Variants in TVP23B observed in about 807,000 individuals in gnomAD.
TVP23B encodes trans-golgi network vesicle protein 23 homolog B.
In TVP23B, 10 loss-of-function variants were observed where a neutral mutation model predicts 30.6. The observed-to-expected ratio is 0.33, with a 90% CI of 0.20 to 0.55. TVP23B has a LOEUF of 0.55. TVP23B is among the 20% of genes least tolerant of loss of function. The pLI is 0.91. For synonymous variants in TVP23B, 67 were observed against 83.1 expected (o/e 0.81, Z 1.06); for missense variants, 153 against 243.2 (o/e 0.63, Z 2.47).
chr17:18,788,330 CAA>C (rs961283447), intron 1 of TVP23B, among the ~76,000 whole-genome samples: 220 of 67,334 alleles, frequency 3.3e-3, no homozygotes, highest in African/African-American at 0.012. Context: ...GACTCCATCT[CAA>C]AAAAAAAAAA....
intron 6 of TVP23B, chr17:18,804,588 G>GTTTTTTTTTTTTTTTTTTTTTT (rs58723409): frequency 1.1e-6 from 1 of 889,198 alleles, no homozygotes; most frequent in Non-Finnish European, 1.4e-6. Flanking sequence ...TATGTTGTAT[G>GTTTTTTTTTTTTTTTTTTTTTT]TTTTTTTTTT....
intron 5 of TVP23B, among the ~76,000 whole-genome samples, chr17:18,800,178 G>A (rs1292450871): frequency 1.3e-5 from 2 of 151,500 alleles, no homozygotes; most frequent in African/African-American, 2.4e-5. Flanking sequence ...ATTAATTAAT[G>A]TACTTAAACC....
chr17:18,781,218 C>G lies in TVP23B; in HGVS notation c.-76C>G. 7.1e-6 allele frequency: 11 copies of G among 1,544,406 alleles called. No homozygotes were observed. The highest frequency in any genetic ancestry group is 9.6e-6 in the Non-Finnish European group (11 of 1,144,204). Reference sequence around the variant, plus strand: ...TCCCTGCTGGCCCTTGGTGACGGGTCGCCTCAGTTCCGACCCGGACCCGTA... The same window carrying G: ...TCCCTGCTGGCCCTTGGTGACGGGTGGCCTCAGTTCCGACCCGGACCCGTA... On this transcript the variant is annotated 5_prime_UTR_variant, in exon 1 of 7. Coordinates refer to ENST00000307767, the MANE Select transcript of TVP23B (RefSeq NM_016078.6).
At chr17:18,801,295 G>GTA (rs1189589881) in intron 5 of TVP23B, among the ~76,000 whole-genome samples, 1 of 152,024 alleles carries the variant, frequency 6.6e-6, no homozygotes, top group Non-Finnish European at 1.5e-5. Flanking sequence ...CCTATCTTCT[G>GTA]TATACTATGC....
At chr17:18,793,611 A>C (rs1482385878) in intron 3 of TVP23B, among the ~76,000 whole-genome samples, 1 of 151,820 alleles carries the variant, frequency 6.6e-6, no homozygotes, top group Admixed American at 6.6e-5. Context: ...AAAAAAAAAA[A>C]ATAATGGCAA....
At chr17:18,803,589 C>G (rs1166309887) in intron 5 of TVP23B, among the ~76,000 whole-genome samples, 3 of 152,208 alleles carry the variant, frequency 2.0e-5, no homozygotes, top group Non-Finnish European at 4.4e-5. Flanking sequence ...AAGTACAGTT[C>G]CCCTTGGAGC....
chr17:18,786,405 T>C (rs1567631507), intron 1 of TVP23B, among the ~76,000 whole-genome samples: 1 of 150,802 alleles, frequency 6.6e-6, no homozygotes, highest in Non-Finnish European at 1.5e-5. Context: ...TGATAGGTCA[T>C]GATAGGGAGT....
At chr17:18,800,736 T>G (rs992923425) in intron 5 of TVP23B, among the ~76,000 whole-genome samples, 1 of 152,146 alleles carries the variant, frequency 6.6e-6, no homozygotes, top group Non-Finnish European at 1.5e-5. Flanking sequence ...AAAGTTTTGC[T>G]TGGAATCAGG....
At chr17:18,794,344 C>T (rs953370316) in intron 3 of TVP23B, among the ~76,000 whole-genome samples, 1 of 152,180 alleles carries the variant, frequency 6.6e-6, no homozygotes, top group Admixed American at 6.5e-5. Flanking sequence ...ACATTTTCTA[C>T]TCCAATGAAA....
chr17:18,803,322 CA>C (rs1046558957), intron 5 of TVP23B, among the ~76,000 whole-genome samples: 103 of 152,314 alleles, frequency 6.8e-4, no homozygotes, highest in African/African-American at 2.0e-3. Flanking sequence ...ATTAGAACAG[CA>C]GAGTTGAGTA....
Position 18,791,024 on chromosome 17 carries a change from A to G in TVP23B, c.224A>G (p.Asp75Gly). The G allele has an allele frequency of 6.3e-7, 1 of 1,593,652 alleles. No homozygotes were observed. The highest frequency in any genetic ancestry group is 8.5e-7 in the Non-Finnish European group (1 of 1,174,666). ...ACAATTATCTTGTTGTTGTCGTGTG[A>G]CTTTTGGGCAGTGAAGGTAATTTTG... is the stretch of plus-strand genomic sequence containing the variant. ...MVTIILLLSCDFWAVKNVTGR... is the reference protein window; with the variant it reads ...MVTIILLLSCGFWAVKNVTGR... The change falls in exon 3 of 7, where the codon GAC becomes GGC. Residue 75 changes from aspartate (D) to glycine (G), a missense_variant. Transcript: ENST00000307767.
chr17:18,806,174 A>G lies in TVP23B; in HGVS notation c.*607A>G. 1.2e-6 allele frequency: 1 copy of G among 851,616 alleles called. No homozygotes were observed. Among genetic ancestry groups the G allele is most frequent in the Non-Finnish European group, 1.4e-6 (1 of 707,352 alleles). 52.8% of individuals were successfully genotyped at this position (851,616 alleles called of 1,614,324 possible). ...ATTTTATTTTTGTTTGTAAGAAGTC[A>G]TCTATTTAAGGCCCAGTTAATATAA... On this transcript the variant is annotated 3_prime_UTR_variant, in exon 7 of 7. Transcript: ENST00000307767.
chr17:18,783,446 C>G (rs1403952646), intron 1 of TVP23B, among the ~76,000 whole-genome samples: 9 of 152,172 alleles, frequency 5.9e-5, no homozygotes, highest in African/African-American at 1.7e-4. Context: ...GAACCTCAGT[C>G]GAGCCCTTAG....
chr17:18,786,204 C>G (rs940364971), intron 1 of TVP23B, among the ~76,000 whole-genome samples: 1 of 152,140 alleles, frequency 6.6e-6, no homozygotes, highest in African/African-American at 2.4e-5. Context: ...AGGATGATCT[C>G]TTGACCTCAA....
chr17:18,785,984 G>A (rs1455192428), intron 1 of TVP23B, among the ~76,000 whole-genome samples: 2 of 152,126 alleles, frequency 1.3e-5, no homozygotes, highest in Non-Finnish European at 2.9e-5. Flanking sequence ...CAAGGTGTGG[G>A]TAGGGGTTCT....
chr17:18,794,945 C>CCTCA (rs2036051647), intron 3 of TVP23B, among the ~76,000 whole-genome samples: 1 of 150,704 alleles, frequency 6.6e-6, no homozygotes, highest in African/African-American at 2.4e-5. Context: ...TCAGGTTTGT[C>CCTCA]CTCACAACTC....
chr17:18,799,598 T>A (rs562356843), intron 5 of TVP23B, among the ~76,000 whole-genome samples: 1 of 152,310 alleles, frequency 6.6e-6, no homozygotes, highest in Non-Finnish European at 1.5e-5. Flanking sequence ...CTGCTCTTGA[T>A]AAGGAATAAG....
At chr17:18,802,320 C>A (rs868515083) in intron 5 of TVP23B, among the ~76,000 whole-genome samples, 15 of 152,212 alleles carry the variant, frequency 9.9e-5, no homozygotes, top group African/African-American at 2.9e-4. Context: ...CACCTCCTCA[C>A]TTCTCTTAAG....
chr17:18,801,964 G>A (rs1318156349), intron 5 of TVP23B, among the ~76,000 whole-genome samples: 1 of 152,154 alleles, frequency 6.6e-6, no homozygotes, highest in Non-Finnish European at 1.5e-5. Context: ...GCTCATGCCT[G>A]TAATCCCAGC....
Sources: gnomAD v4.1 joint callset for allele counts (sites outside exome capture counted in the v4.1 genomes callset) on GRCh38, gnomAD v4.1.1 for gene constraint, MANE v1.5 for transcripts, NCBI Gene and HGNC (gene_info 2026-07-23, HGNC 2026-07-21) for gene names.